The following NFX1 variants were observed in gnomAD, a reference collection of about 807,000 sequenced individuals.
NFX1 encodes nuclear transcription factor, X-box binding 1.
Under a neutral mutation model 137.2 loss-of-function variants are expected in NFX1, and 69 were observed. The ratio of observed to expected loss-of-function variants is 0.50; its 90% CI spans 0.41 to 0.61. The LOEUF is 0.61. Among genes scored for constraint, NFX1 ranks in the 20% least tolerant of loss-of-function variants. The pLI is 0.00. For synonymous variants in NFX1, 495 were observed against 474.1 expected, an observed-to-expected ratio of 1.04 and a Z score of -0.57; for missense variants, 1,167 against 1,391.0, an observed-to-expected ratio of 0.84 and a Z score of 2.56.
intron 9 of NFX1, 76 bp downstream of exon 9, chr9:33,319,203 A>G: frequency 7.3e-6 from 9 of 1,225,296 alleles, no homozygotes; most frequent in Non-Finnish European, 1.1e-5. Flanking sequence ...TAAGCAATGT[A>G]GAAGTAAGTG....
chr9:33,358,099 A>G (rs990089958), intron 19 of NFX1, among the ~76,000 whole-genome samples: 1 of 151,832 alleles, frequency 6.6e-6, no homozygotes, highest in Non-Finnish European at 1.5e-5. Context: ...TGATGCTGCT[A>G]TAGATGGGTT....
intron 23 of NFX1, 134 bp from the exon 24 acceptor site, chr9:33,369,772 G>C (rs1469090804): frequency 1.4e-6 from 1 of 734,092 alleles, no homozygotes; most frequent in Non-Finnish European, 2.2e-6. Flanking sequence ...AGGAAAAAAA[G>C]TAAGACTAAA....
chr9:33,347,491 C>T (rs1220191894), intron 15 of NFX1, among the ~76,000 whole-genome samples: 1 of 151,820 alleles, frequency 6.6e-6, no homozygotes, highest in South Asian at 2.1e-4. Flanking sequence ...TTTTTAATAA[C>T]CTCCTTATTC....
At chr9:33,307,383 T>A in intron 5 of NFX1, 84 bp downstream of exon 5, 1 of 1,194,076 alleles carries the variant, frequency 8.4e-7, no homozygotes, top group Non-Finnish European at 1.2e-6. Flanking sequence ...GGTTAGCATG[T>A]AATGGTTTGG....
chr9:33,352,566 GA>G lies in NFX1; in HGVS notation c.2656-79del, dbSNP rs1823675007. ...CTCTCTAGTCTCTGCTATGGTTTAA[GA>G]GAGGATTTAAGAGTGAAAAGTGCTT... On this transcript the variant is annotated intron_variant, in intron 16 of 23. Coordinates refer to ENST00000379540, the MANE Select transcript of NFX1 (RefSeq NM_002504.6). The G allele has an allele frequency of 3.2e-6, 4 of 1,231,534 alleles. No homozygotes were observed. The Admixed American group carries it at 6.8e-5, about 21-fold the overall frequency. The allele number at this position is 1,231,534 out of a possible 1,614,324, so 76.3% of individuals were successfully genotyped here.
rs1027953067 is a variant in NFX1, at chr9:33,294,404, A to G, written c.26-16A>G. The G allele has an allele frequency of 6.5e-7, 1 of 1,530,346 alleles. No homozygotes were observed. 94.8% of individuals were successfully genotyped at this position (1,530,346 alleles called of 1,614,324 possible). A position where few individuals can be genotyped will look rare whatever the true frequency, so the allele number is the denominator to read the frequency against. Reference sequence around the variant, plus strand: ...GTTTAATCTCTTTACTGGCATGTCTATTTTTTATGTCCTAGGTACTTTTAA... The same window carrying G: ...GTTTAATCTCTTTACTGGCATGTCTGTTTTTTATGTCCTAGGTACTTTTAA... On this transcript the variant is annotated splice_polypyrimidine_tract_variant and intron_variant, in intron 1 of 23. Coordinates refer to ENST00000379540, the MANE Select transcript of NFX1 (RefSeq NM_002504.6).
At chr9:33,293,972 C>T (rs1182193126) in intron 1 of NFX1, among the ~76,000 whole-genome samples, 1 of 152,220 alleles carries the variant, frequency 6.6e-6, no homozygotes, top group African/African-American at 2.4e-5. Context: ...TAAGTTCATA[C>T]AATAAGTTGG....
At chr9:33,290,935 G>C (rs928730226) in intron 1 of NFX1, among the ~76,000 whole-genome samples, 1 of 152,214 alleles carries the variant, frequency 6.6e-6, no homozygotes, top group African/African-American at 2.4e-5. Context: ...AGCCAGTGAC[G>C]GTGGCGGGCT....
Position 33,290,591 on chromosome 9 carries a change from G to C in NFX1, c.19G>C (p.Val7Leu). 1 of 1,613,864 alleles carries C rather than the reference G, an allele frequency of 6.2e-7. No individual in the cohort carries two copies. Among genetic ancestry groups the C allele is most frequent in the East Asian group, 2.2e-5 (1 of 44,876 alleles). MAEAPPVSGTFKFNTDA... is the reference protein window; with the variant it reads MAEAPPLSGTFKFNTDA... ...GCACGGGATGGCGGAGGCGCCTCCT[G>C]TCTCAGGTATTGTCCCGGCCCGAGC... is the stretch of plus-strand genomic sequence containing the variant. Residue 7 changes from valine (V) to leucine (L), a missense_variant, in exon 1 of 24, where the codon GTC (valine) becomes CTC (leucine). Val to Leu is a conservative substitution (Grantham distance 32). Coordinates refer to ENST00000379540, the MANE Select transcript of NFX1 (RefSeq NM_002504.6).
At position 33,352,856 on chromosome 9, in the gene NFX1, T is replaced by G. The variant is rs1053845524; in HGVS notation, c.2729+137T>G. ...AGTCTGTAACTGTTGTAATCAGTTG[T>G]AAACACCACTGCACAGATACATGTG... On this transcript the variant is annotated intron_variant, in intron 17 of 23. Transcript: ENST00000379540. The G allele has an allele frequency of 6.0e-6, 4 of 667,510 alleles. No individual in the cohort carries two copies. The African/African-American group carries it at 7.2e-5, about 12-fold the overall frequency. 41.3% of individuals were successfully genotyped at this position (667,510 alleles called of 1,614,324 possible).
chr9:33,307,542 C>T (rs779274407), intron 5 of NFX1, among the ~76,000 whole-genome samples: 6 of 152,198 alleles, frequency 3.9e-5, no homozygotes, highest in Non-Finnish European at 5.9e-5. Flanking sequence ...AAAGGCCAAG[C>T]CTCTTGCCCA....
chr9:33,326,058 A>T (rs539325036), intron 9 of NFX1, among the ~76,000 whole-genome samples: 1 of 152,228 alleles, frequency 6.6e-6, no homozygotes, highest in Non-Finnish European at 1.5e-5. Context: ...TAAGAAAATG[A>T]TACCAGATCA....
intron 7 of NFX1, among the ~76,000 whole-genome samples, chr9:33,315,244 A>G (rs1822115733): frequency 1.3e-5 from 2 of 149,740 alleles, no homozygotes; most frequent in South Asian, 4.2e-4. Flanking sequence ...AAAAAAAAGG[A>G]ATCTAGTTTT....
chr9:33,329,058 T>C (rs1460327651), intron 10 of NFX1, among the ~76,000 whole-genome samples: 3 of 152,178 alleles, frequency 2.0e-5, no homozygotes, highest in Non-Finnish European at 4.4e-5. Flanking sequence ...GTGGTTACAC[T>C]CATGGTTAGA....
At chr9:33,364,931 A>G (rs1587882986) in intron 21 of NFX1, 157 bp downstream of exon 21, 1 of 1,450,164 alleles carries the variant, frequency 6.9e-7, no homozygotes, top group Non-Finnish European at 9.1e-7. Flanking sequence ...CACAGCCATT[A>G]TAACATCTGT....
At chr9:33,327,110 A>C (rs1822622695) in intron 9 of NFX1, among the ~76,000 whole-genome samples, 1 of 152,260 alleles carries the variant, frequency 6.6e-6, no homozygotes, top group Admixed American at 6.5e-5. Context: ...CAGAAAACTA[A>C]AAAAGACGAA....
rs563681924 is a variant in NFX1 at position 33,364,875 on chromosome 9, T to C, written c.3039+101T>C. On this transcript the variant is annotated intron_variant, in intron 21 of 23. Coordinates refer to ENST00000379540, the MANE Select transcript of NFX1 (RefSeq NM_002504.6). The stretch of plus-strand genomic sequence containing the variant: ...AAACACTTTCAACCTAGAGTAGTTG[T>C]AGGAAAAAGTCACAACTTCTTTGAG... 5.2e-6 allele frequency: 8 copies of C among 1,531,160 alleles called. No homozygotes were observed. The East Asian group carries it at 1.9e-4, about 37-fold the overall frequency. The allele number at this position is 1,531,160 out of a possible 1,614,324, so 94.8% of individuals were successfully genotyped here.
intron 9 of NFX1, among the ~76,000 whole-genome samples, chr9:33,324,791 T>C (rs999603708): frequency 1.3e-4 from 19 of 151,662 alleles, no homozygotes; most frequent in African/African-American, 4.4e-4. Context: ...TAGCCAGGTG[T>C]GGTGGCGGGC....
intron 15 of NFX1, chr9:33,347,962 A>G: frequency 6.3e-6 from 1 of 157,974 alleles, no homozygotes; most frequent in East Asian, 1.9e-4. Flanking sequence ...CAATTATAAG[A>G]GGGAGCTAAG....
Sources: allele counts gnomAD v4.1 joint callset (sites outside exome capture counted in the v4.1 genomes callset), GRCh38; gene constraint gnomAD v4.1.1; transcripts MANE v1.5; gene names NCBI Gene and HGNC (gene_info 2026-07-23, HGNC 2026-07-21).